BLNK: variants seen among roughly 807,000 people sequenced by gnomAD.
BLNK encodes B-cell linker protein.
BLNK carries 29 observed loss-of-function variants against 73.5 expected under a neutral mutation model. That is an observed-to-expected ratio of 0.39 (90% CI 0.29 to 0.54). The LOEUF (loss-of-function observed/expected upper bound fraction) is 0.54, where lower values mean the gene tolerates loss of function less well. BLNK is among the 20% of genes least tolerant of loss of function. The pLI is 0.61. For synonymous variants in BLNK, 176 were observed against 200.8 expected (o/e 0.88, Z 1.04); for missense variants, 460 against 562.8 (o/e 0.82, Z 1.85).
At chr10:96,269,762 T>C (rs1236979276) in intron 1 of BLNK, among the ~76,000 whole-genome samples, 3 of 152,170 alleles carry the variant, frequency 2.0e-5, no homozygotes, top group East Asian at 3.9e-4. Flanking sequence ...TGTCCAATCA[T>C]ACCAGGACCT....
Position 96,190,022 on chromosome 10 carries a change from A to T in BLNK, c.*1951T>A. ...TGTTATTTAATTGGACTGCCTTCAT[A>T]ATTCATTGCCTCTGCTTCAACAATG... On this transcript the variant is annotated 3_prime_UTR_variant, in exon 17 of 17. Transcript: ENST00000224337. 2 of 806,628 alleles carry T rather than the reference A, an allele frequency of 2.5e-6. No homozygotes were observed. The highest frequency in any genetic ancestry group is 3.3e-5 in the African/African-American group (2 of 59,946). The allele number at this position is 806,628 out of a possible 1,614,324, so 50.0% of individuals were successfully genotyped here. A position where few individuals can be genotyped will look rare whatever the true frequency, so the allele number is the denominator to read the frequency against.
chr10:96,210,540 A>G (rs1368079638), intron 8 of BLNK, among the ~76,000 whole-genome samples: 1 of 152,254 alleles, frequency 6.6e-6, no homozygotes, highest in African/African-American at 2.4e-5. Context: ...AAGTCATAGA[A>G]GGGACCCGAA....
rs74151283 is a variant in BLNK at position 96,197,074 on chromosome 10, T to A, written c.1096-11A>T. 48,402 of 1,605,548 alleles carry A rather than the reference T, an allele frequency of 0.03. 1,082 individuals are homozygous for A. Among genetic ancestry groups the A allele is most frequent in the African/African-American group, 0.11 (8,327 of 74,504 alleles). ...AAGAAATGATCCATCCTGTTTAATT[T>A]TTTTTAAAAAACATAATTATGGTTA... On this transcript the variant is annotated splice_polypyrimidine_tract_variant and intron_variant, in intron 15 of 16. Coordinates refer to ENST00000224337, the MANE Select transcript of BLNK (RefSeq NM_013314.4).
chr10:96,246,740 T>A (rs1216597835), intron 2 of BLNK, among the ~76,000 whole-genome samples: 1 of 152,210 alleles, frequency 6.6e-6, no homozygotes, highest in Non-Finnish European at 1.5e-5. Context: ...GCACCTTGAA[T>A]GGGCATAGCT....
At chr10:96,239,179 G>C (rs1437333189) in intron 3 of BLNK, 2 of 398,562 alleles carry the variant, frequency 5.0e-6, no homozygotes, top group Non-Finnish European at 8.8e-6. Flanking sequence ...GGACAAAAAA[G>C]AGAACACTTC....
intron 1 of BLNK, among the ~76,000 whole-genome samples, chr10:96,259,670 C>CTTTTTTTTTTTTTTTTTTTTTTT (rs57821919): frequency 4.0e-4 from 18 of 44,872 alleles, no homozygotes; most frequent in Non-Finnish European, 5.5e-4. Context: ...CACACCCTAC[C>CTTTTTTTTTTTTTTTTTTTTTTT]TTTTTTTTTT....
intron 6 of BLNK, among the ~76,000 whole-genome samples, chr10:96,223,122 C>T (rs891409670): frequency 1.3e-5 from 2 of 151,972 alleles, no homozygotes; most frequent in South Asian, 2.1e-4. Context: ...TGGTACTTGA[C>T]CTTCTAGAAA....
chr10:96,248,292 C>T (rs910530814), intron 1 of BLNK, among the ~76,000 whole-genome samples: 1 of 152,072 alleles, frequency 6.6e-6, no homozygotes, highest in Non-Finnish European at 1.5e-5. Flanking sequence ...AATCTTACAA[C>T]TCAGTAAGAA....
chr10:96,262,188 G>A (rs190400938), intron 1 of BLNK, among the ~76,000 whole-genome samples: 1 of 152,104 alleles, frequency 6.6e-6, no homozygotes, highest in African/African-American at 2.4e-5. Flanking sequence ...TCAGATAAAT[G>A]AGTCCTGCGT....
At chr10:96,215,221 T>C in intron 8 of BLNK, 100 bp downstream of exon 8, 7 of 1,323,030 alleles carry the variant, frequency 5.3e-6, no homozygotes, top group Non-Finnish European at 7.6e-6. Context: ...GTTCCCAATA[T>C]TAAGACATTT....
At chr10:96,205,072 T>G (rs992581802) in intron 11 of BLNK, 3 of 191,804 alleles carry the variant, frequency 1.6e-5, no homozygotes, top group African/African-American at 4.7e-5. Context: ...AGAGGCACAC[T>G]ACTGAGTTCA....
At chr10:96,261,843 C>T (rs1179318670) in intron 1 of BLNK, among the ~76,000 whole-genome samples, 4 of 152,114 alleles carry the variant, frequency 2.6e-5, no homozygotes, top group African/African-American at 4.8e-5. Context: ...CATTAATACA[C>T]TTTTTATGCT....
chr10:96,228,894 A>T (rs1349466807), intron 4 of BLNK, among the ~76,000 whole-genome samples: 1 of 152,184 alleles, frequency 6.6e-6, no homozygotes, highest in African/African-American at 2.4e-5. Flanking sequence ...CGCCTTTCAT[A>T]AGCAATTTTA....
At chr10:96,226,444 A>G (rs587708674) in intron 5 of BLNK, among the ~76,000 whole-genome samples, 5 of 152,352 alleles carry the variant, frequency 3.3e-5, no homozygotes, top group South Asian at 2.1e-4. Context: ...GAGCCGGTCC[A>G]TACAAATGCT....
chr10:96,200,269 C>T lies in BLNK; in HGVS notation c.1012-111G>A. On this transcript the variant is annotated intron_variant, in intron 14 of 16. Transcript: ENST00000224337. The surrounding 1 kb of genome is among the most constrained non-coding windows in gnomAD (Gnocchi z 4.3). The stretch of plus-strand genomic sequence containing the variant: ...TTATCAAGACAGGCCTCTACATTTA[C>T]ACCAATAATTTTAAGATGAGTTTTA... 1.4e-6 allele frequency: 1 copy of T among 713,250 alleles called. No individual in the cohort carries two copies. Among genetic ancestry groups the T allele is most frequent in the Non-Finnish European group, 2.4e-6 (1 of 413,342 alleles). 44.2% of individuals were successfully genotyped at this position (713,250 alleles called of 1,614,324 possible).
chr10:96,249,460 C>T (rs1771552621), intron 1 of BLNK, among the ~76,000 whole-genome samples: 2 of 152,246 alleles, frequency 1.3e-5, no homozygotes, highest in South Asian at 4.1e-4. Context: ...AACAATGCAG[C>T]CATGCTGGTG....
chr10:96,250,740 T>C (rs1395413343), intron 1 of BLNK, among the ~76,000 whole-genome samples: 2 of 152,246 alleles, frequency 1.3e-5, no homozygotes, highest in African/African-American at 4.8e-5. Context: ...AAGAATTGGA[T>C]GCAATTTTGT....
Position 96,189,998 on chromosome 10 carries a change from G to A in BLNK, c.*1975C>T, listed in dbSNP as rs1367825021. On this transcript the variant is annotated 3_prime_UTR_variant, in exon 17 of 17. Transcript: ENST00000224337. Reference sequence around the variant, plus strand: ...TACAGACATTTTCAAAGGTGCCAGTGTTATTTAATTGGACTGCCTTCATAA... The same window carrying A: ...TACAGACATTTTCAAAGGTGCCAGTATTATTTAATTGGACTGCCTTCATAA... The A allele has an allele frequency of 1.2e-6, 1 of 822,102 alleles. No homozygotes were observed. Among genetic ancestry groups the A allele is most frequent in the Non-Finnish European group, 2.1e-6 (1 of 472,420 alleles). 50.9% of individuals were successfully genotyped at this position (822,102 alleles called of 1,614,324 possible).
At chr10:96,255,203 G>A (rs1320452240) in intron 1 of BLNK, among the ~76,000 whole-genome samples, 1 of 152,206 alleles carries the variant, frequency 6.6e-6, no homozygotes, top group African/African-American at 2.4e-5. Context: ...AGTTCAGGAA[G>A]GATGGAGTTT....
Sources: allele counts gnomAD v4.1 joint callset (sites outside exome capture counted in the v4.1 genomes callset), GRCh38; gene constraint gnomAD v4.1.1; non-coding constraint Gnocchi (gnomAD v3.1); transcripts MANE v1.5; gene names NCBI Gene and HGNC (gene_info 2026-07-23, HGNC 2026-07-21).